TAF12: variants seen among roughly 807,000 people sequenced by gnomAD.
TAF12 encodes the protein transcription initiation factor TFIID subunit 12.
TAF12 carries 3 observed loss-of-function variants against 20.8 expected under a neutral mutation model. That is an observed-to-expected ratio of 0.14 (90% CI 0.07 to 0.37). The LOEUF (loss-of-function observed/expected upper bound fraction) is 0.37. Among genes scored for constraint, TAF12 ranks in the 10% least tolerant of loss-of-function variants. The pLI, the probability that TAF12 is intolerant of heterozygous loss-of-function variation, is 1.00. For synonymous variants in TAF12, 69 were observed against 70.2 expected, an observed-to-expected ratio of 0.98 and a Z score of 0.09; for missense variants, 131 against 197.9, an observed-to-expected ratio of 0.66 and a Z score of 2.03.
In TAF12 at chr1:28,613,956, T is replaced by C. The variant is rs192623609; in HGVS notation, c.247-595A>G. ...AGCCCCATCTGTATTTAAAAATAAA[T>C]AGGCCGGGCGTGGTGGCTCACGCCT... On this transcript the variant is annotated intron_variant, in intron 3 of 5. Coordinates refer to ENST00000373824, the MANE Select transcript of TAF12 (RefSeq NM_005644.4). Among the ~76,000 whole-genome samples, 25 of 152,216 alleles carry C rather than the reference T, an allele frequency of 1.6e-4. 1 individual carries two copies. The highest frequency in any genetic ancestry group is 3.2e-4 in the Non-Finnish European group (22 of 68,016).
At chr1:28,621,691 A>G (rs1667225870) in intron 2 of TAF12, among the ~76,000 whole-genome samples, 1 of 152,170 alleles carries the variant, frequency 6.6e-6, no homozygotes, top group Admixed American at 6.6e-5. Flanking sequence ...ATTCAGGACA[A>G]CTTGAATCTG....
At chr1:28,639,702 T>C (rs1320380087) in intron 1 of TAF12, among the ~76,000 whole-genome samples, 1 of 152,166 alleles carries the variant, frequency 6.6e-6, no homozygotes, top group South Asian at 2.1e-4. Flanking sequence ...TGATCATTTA[T>C]ATATAATAGG....
At chr1:28,628,543 G>T (rs1250037061) in intron 1 of TAF12, among the ~76,000 whole-genome samples, 1 of 151,596 alleles carries the variant, frequency 6.6e-6, no homozygotes, top group Admixed American at 6.6e-5. Flanking sequence ...TCTTTTACGG[G>T]ATACAAAAAT....
chr1:28,616,458 C>T (rs927175392), intron 3 of TAF12, among the ~76,000 whole-genome samples: 5 of 150,536 alleles, frequency 3.3e-5, no homozygotes, highest in African/African-American at 4.9e-5. Context: ...GACCAGCAGG[C>T]GTGATAGCTC....
Position 28,603,445 on chromosome 1 carries a change from G to T in TAF12, c.*94C>A. 7.7e-7 allele frequency: 1 copy of T among 1,302,860 alleles called. No homozygotes were observed. Among genetic ancestry groups the T allele is most frequent in the Non-Finnish European group, 1.1e-6 (1 of 905,032 alleles). The allele number at this position is 1,302,860 out of a possible 1,614,324, so 80.7% of individuals were successfully genotyped here. A position where few individuals can be genotyped will look rare whatever the true frequency, so the allele number is the denominator to read the frequency against. ...TAAAAAATATATGCTTCTCTGTAAA[G>T]CATTAAAAAAAAAAATCCAAGGATG... On this transcript the variant is annotated 3_prime_UTR_variant, in exon 6 of 6. Coordinates refer to ENST00000373824, the MANE Select transcript of TAF12 (RefSeq NM_005644.4).
At chr1:28,632,944 A>G (rs1386218277) in intron 1 of TAF12, among the ~76,000 whole-genome samples, 2 of 151,548 alleles carry the variant, frequency 1.3e-5, no homozygotes. Context: ...GCTCACTGCA[A>G]CCTCCGCCTG....
intron 1 of TAF12, chr1:28,623,935 AACTT>A (rs933543449): frequency 6.1e-5 from 60 of 985,448 alleles, no homozygotes; most frequent in Admixed American, 1.8e-4. Flanking sequence ...AGTAGCCTCA[AACTT>A]ACTTACAGCT....
rs2124282983 is a variant in TAF12 at position 28,603,205 on chromosome 1, C to T, written c.*334G>A. On this transcript the variant is annotated 3_prime_UTR_variant, in exon 6 of 6. Transcript: ENST00000373824. ...GGGGAAGGGAGAAGGAAACAAAACC[C>T]TTTACAAATCCTGCTAATACTGTCT... 7.5e-6 allele frequency: 2 copies of T among 265,132 alleles called. No individual in the cohort carries two copies. The highest frequency in any genetic ancestry group is 1.4e-4 in the East Asian group (2 of 14,184). The allele number at this position is 265,132 out of a possible 1,614,324, so 16.4% of individuals were successfully genotyped here. A position where few individuals can be genotyped will look rare whatever the true frequency, so the allele number is the denominator to read the frequency against.
intron 1 of TAF12, among the ~76,000 whole-genome samples, chr1:28,637,134 G>A (rs1445257411): frequency 6.6e-6 from 1 of 152,186 alleles, no homozygotes; most frequent in Non-Finnish European, 1.5e-5. Flanking sequence ...TGGTCAGCAG[G>A]AGGCTGATGA....
intron 1 of TAF12, among the ~76,000 whole-genome samples, chr1:28,627,844 T>C (rs772285231): frequency 1.2e-4 from 18 of 152,142 alleles, no homozygotes; most frequent in Non-Finnish European, 2.5e-4. Context: ...TTTCTTCCTA[T>C]AAAAACTAAA....
chr1:28,628,876 C>T (rs1391333674), intron 1 of TAF12, among the ~76,000 whole-genome samples: 1 of 152,190 alleles, frequency 6.6e-6, no homozygotes, highest in African/African-American at 2.4e-5. Context: ...AGTTCGAGAC[C>T]AGCCTGACCA....
chr1:28,624,747 A>C (rs1667327339), intron 1 of TAF12, among the ~76,000 whole-genome samples: 2 of 96,310 alleles, frequency 2.1e-5, no homozygotes, highest in African/African-American at 5.7e-5. Flanking sequence ...ACTCTGTCTC[A>C]AAAAAAAATA....
At chr1:28,622,907 C>G (rs192306138) in intron 1 of TAF12, among the ~76,000 whole-genome samples, 1 of 151,964 alleles carries the variant, frequency 6.6e-6, no homozygotes, top group African/African-American at 2.4e-5. Context: ...CCTATAATCC[C>G]TCCCAGCTAC....
intron 1 of TAF12, among the ~76,000 whole-genome samples, chr1:28,638,549 A>G (rs905703875): frequency 6.8e-6 from 1 of 147,060 alleles, no homozygotes; most frequent in African/African-American, 2.5e-5. Context: ...GGAGTGGCGC[A>G]ATATCGGCTC....
rs1393178169 is a variant in TAF12 at position 28,613,370 on chromosome 1, G to A, written c.247-9C>T. 2 of 1,603,896 alleles carry A rather than the reference G, an allele frequency of 1.2e-6. No individual in the cohort carries two copies. Among genetic ancestry groups the A allele is most frequent in the Middle Eastern group, 1.7e-4 (1 of 6,056 alleles). ...GCAATCTGCAGCAGCATCTGGGGAA[G>A]GTAAAGTGGGAAGAGTCAGCACGAC... is the stretch of plus-strand genomic sequence containing the variant. On this transcript the variant is annotated splice_polypyrimidine_tract_variant and intron_variant, in intron 3 of 5. Coordinates refer to ENST00000373824, the MANE Select transcript of TAF12 (RefSeq NM_005644.4).
intron 2 of TAF12, among the ~76,000 whole-genome samples, chr1:28,619,597 A>C (rs1667144526): frequency 6.8e-6 from 1 of 147,328 alleles, no homozygotes; most frequent in Non-Finnish European, 1.5e-5. Flanking sequence ...GTCTCTTCCA[A>C]GTGTACTTTC....
At chr1:28,640,002 C>G (rs536394017) in intron 1 of TAF12, among the ~76,000 whole-genome samples, 39 of 152,082 alleles carry the variant, frequency 2.6e-4, no homozygotes, top group African/African-American at 8.9e-4. Flanking sequence ...GCCACCATGC[C>G]CAGCTAATTT....
At chr1:28,630,447 G>C (rs185123116) in intron 1 of TAF12, among the ~76,000 whole-genome samples, 2 of 151,976 alleles carry the variant, frequency 1.3e-5, no homozygotes, top group South Asian at 2.1e-4. Flanking sequence ...TAAGCTACTC[G>C]AGGCTGAGGC....
chr1:28,619,912 G>A (rs1667155740), intron 2 of TAF12, among the ~76,000 whole-genome samples: 1 of 150,744 alleles, frequency 6.6e-6, no homozygotes, highest in South Asian at 2.1e-4. Flanking sequence ...TTATGCCATT[G>A]CACTCCATCC....
Sources: allele counts gnomAD v4.1 joint callset (sites outside exome capture counted in the v4.1 genomes callset), GRCh38; gene constraint gnomAD v4.1.1; transcripts MANE v1.5; gene names NCBI Gene and HGNC (gene_info 2026-07-23, HGNC 2026-07-21).